WNT4: variants seen among roughly 807,000 people sequenced by gnomAD.
WNT4 encodes Wnt family member 4.
Under a neutral mutation model 34.5 loss-of-function variants are expected in WNT4, and 16 were observed. That is an observed-to-expected ratio of 0.46 (90% CI 0.31 to 0.70). The LOEUF (loss-of-function observed/expected upper bound fraction) is 0.70, where lower values mean the gene tolerates loss of function less well. WNT4 is among the 30% of genes least tolerant of loss of function. The probability of loss-of-function intolerance (pLI) is 0.04; values close to 1 mark genes in which losing one functional copy is unlikely to be tolerated. For missense variants in WNT4, 379 were observed against 495.9 expected, an observed-to-expected ratio of 0.76 and a Z score of 2.24; for synonymous variants, 200 against 211.9, an observed-to-expected ratio of 0.94 and a Z score of 0.49.
chr1:22,135,226 C>T (rs1054797945), intron 1 of WNT4, among the ~76,000 whole-genome samples: 3 of 152,204 alleles, frequency 2.0e-5, no homozygotes, highest in African/African-American at 7.2e-5. Context: ...ATGGGACCTT[C>T]ACTTATACTC....
Position 22,142,966 on chromosome 1 carries a change from C to T in WNT4, c.-44G>A. On this transcript the variant is annotated 5_prime_UTR_variant, in exon 1 of 5. Coordinates refer to ENST00000290167, the MANE Select transcript of WNT4 (RefSeq NM_030761.5). The surrounding 1 kb of genome is among the most constrained non-coding windows in gnomAD (Gnocchi z 6.0). ...CGGCCCGGGGCAGCGGCTGCGGCCGCGGGGGGCCTCCCGTCGGGGCTGCAG... is the reference window on the plus strand; with the variant it reads ...CGGCCCGGGGCAGCGGCTGCGGCCGTGGGGGGCCTCCCGTCGGGGCTGCAG... The T allele has an allele frequency of 1.0e-6, 1 of 1,002,392 alleles. No individual in the cohort carries two copies. The highest frequency in any genetic ancestry group is 1.2e-6 in the Non-Finnish European group (1 of 843,228). 62.1% of individuals were successfully genotyped at this position (1,002,392 alleles called of 1,614,324 possible). A position where few individuals can be genotyped will look rare whatever the true frequency, so the allele number is the denominator to read the frequency against.
intron 2 of WNT4, chr1:22,127,414 C>T (rs759158477): frequency 1.9e-6 from 1 of 533,432 alleles, no homozygotes; most frequent in African/African-American, 1.9e-5. Context: ...GCCTTTGAGT[C>T]CTCTCCCCTG....
chr1:22,125,293 G>T (rs1158597953), intron 2 of WNT4, among the ~76,000 whole-genome samples: 3 of 151,962 alleles, frequency 2.0e-5, no homozygotes, highest in Non-Finnish European at 2.9e-5. Flanking sequence ...GCAGCCTCAA[G>T]GCATTCCTAG....
intron 1 of WNT4, among the ~76,000 whole-genome samples, chr1:22,131,927 G>A (rs1387714978): frequency 2.0e-5 from 3 of 152,238 alleles, no homozygotes; most frequent in Non-Finnish European, 4.4e-5. Context: ...GGGAAGACAA[G>A]GGCAGGAAGG....
chr1:22,127,792 AAG>A (rs1645951862), intron 2 of WNT4, among the ~76,000 whole-genome samples: 2 of 152,330 alleles, frequency 1.3e-5, no homozygotes, highest in Admixed American at 6.5e-5. Context: ...AGCAAGAACA[AAG>A]AGCTTTGGAG....
chr1:22,140,666 G>A lies in WNT4; in HGVS notation c.77+2180C>T, dbSNP rs564583403. ...ATAAATATTGGACCAACCTTGGTAT[G>A]TGCCCAGTGTCTTCTCCTTCATAGC... is the stretch of plus-strand genomic sequence containing the variant. On this transcript the variant is annotated intron_variant, in intron 1 of 4. Transcript: ENST00000290167. The surrounding 1 kb of genome is among the most constrained non-coding windows in gnomAD (Gnocchi z 5.9). Among the ~76,000 whole-genome samples the A allele has an allele frequency of 4.6e-5, 7 of 152,344 alleles. No homozygotes were observed. Among genetic ancestry groups the A allele is most frequent in the African/African-American group, 1.7e-4 (7 of 41,574 alleles).
At chr1:22,132,916 C>T (rs577946087) in intron 1 of WNT4, among the ~76,000 whole-genome samples, 13 of 152,278 alleles carry the variant, frequency 8.5e-5, no homozygotes, top group East Asian at 7.7e-4. Flanking sequence ...GAAATGGAAC[C>T]GGGCACCGGC....
In WNT4 at chr1:22,120,240, A is replaced by T. The variant is rs1557921983; in HGVS notation, c.866T>A (p.Leu289Gln). ...GTTGCATGTGCGGCCCCTCGTGCCC[A>T]GCACGCCGCTGCGCATGTCCTGCTC... ...FCEQDMRSGV[L>Q]GTRGRTCNKT... Residue 289 changes from leucine (L) to glutamine (Q), a missense_variant, in exon 5 of 5, where the codon CTG (leucine) becomes CAG (glutamine). Coordinates refer to ENST00000290167, the MANE Select transcript of WNT4 (RefSeq NM_030761.5). 2 of 1,614,146 alleles carry T rather than the reference A, an allele frequency of 1.2e-6. No individual in the cohort carries two copies. The highest frequency in any genetic ancestry group is 2.2e-5 in the South Asian group (2 of 91,086).
At position 22,142,715 on chromosome 1, in the gene WNT4, G is replaced by A. The variant is rs1646080346; in HGVS notation, c.77+131C>T. 2 of 571,816 alleles carry A rather than the reference G, an allele frequency of 3.5e-6. No homozygotes were observed. Among genetic ancestry groups the A allele is most frequent in the Admixed American group, 6.4e-5 (1 of 15,644 alleles). 35.4% of individuals were successfully genotyped at this position (571,816 alleles called of 1,614,324 possible). A position where few individuals can be genotyped will look rare whatever the true frequency, so the allele number is the denominator to read the frequency against. ...GTGGCGGCGGCAGCGGAGCGAGCGA[G>A]CCTCCGGTCCCGCGGCCGAGACACC... On this transcript the variant is annotated intron_variant, in intron 1 of 4. Transcript: ENST00000290167. This position sits in a 1 kb window ranked among gnomAD's most constrained non-coding sequence, Gnocchi z 6.0.
In WNT4 at chr1:22,120,545, C is replaced by T. The variant is rs1645888339; in HGVS notation, c.589-28G>A. 3 of 1,587,690 alleles carry T rather than the reference C, an allele frequency of 1.9e-6. No homozygotes were observed. In the South Asian group the frequency reaches 3.4e-5, roughly 18 times the overall value. On this transcript the variant is annotated intron_variant, in intron 4 of 4. Coordinates refer to ENST00000290167, the MANE Select transcript of WNT4 (RefSeq NM_030761.5). Reference sequence around the variant, plus strand: ...GTGGGAGAGGGTGGGGGAGAGGGGCCATCAGGAGATGGCAAGGGAAGGCAG... The same window carrying T: ...GTGGGAGAGGGTGGGGGAGAGGGGCTATCAGGAGATGGCAAGGGAAGGCAG...
intron 2 of WNT4, among the ~76,000 whole-genome samples, chr1:22,124,289 A>C (rs1645924704): frequency 6.6e-6 from 1 of 152,236 alleles, no homozygotes; most frequent in African/African-American, 2.4e-5. Flanking sequence ...AGGGTAAGGC[A>C]GAACTCTACG....
rs1038062611 is a variant in WNT4, at chr1:22,119,917, CAT to C, written c.*131_*132del. 2 of 1,157,500 alleles carry C rather than the reference CAT, an allele frequency of 1.7e-6. No homozygotes were observed. The highest frequency in any genetic ancestry group is 3.1e-5 in the African/African-American group (2 of 65,462). 71.7% of individuals were successfully genotyped at this position (1,157,500 alleles called of 1,614,324 possible). A position where few individuals can be genotyped will look rare whatever the true frequency, so the allele number is the denominator to read the frequency against. ...CCTGCCTGGTTTCGGCAATAAATAA[CAT>C]GAGGACCCAAAAACCAAACCAGAAC... On this transcript the variant is annotated 3_prime_UTR_variant, in exon 5 of 5. Coordinates refer to ENST00000290167, the MANE Select transcript of WNT4 (RefSeq NM_030761.5).
At chr1:22,121,064 T>C in intron 4 of WNT4, 147 bp downstream of exon 4, 2 of 1,376,978 alleles carry the variant, frequency 1.5e-6, no homozygotes, top group Non-Finnish European at 2.0e-6. Flanking sequence ...CTCTGGCCTG[T>C]CCTGAACCCC....
In WNT4 at chr1:22,134,943, G is replaced by A. The variant is rs1483730064; in HGVS notation, c.78-5092C>T. 3.3e-5 allele frequency among the ~76,000 whole-genome samples: 5 copies of A among 152,110 alleles called. No individual in the cohort carries two copies. The highest frequency in any genetic ancestry group is 6.5e-5 in the Admixed American group (1 of 15,270). On this transcript the variant is annotated intron_variant, in intron 1 of 4. Coordinates refer to ENST00000290167, the MANE Select transcript of WNT4 (RefSeq NM_030761.5). This position sits in a 1 kb window ranked among gnomAD's most constrained non-coding sequence, Gnocchi z 4.1. Reference sequence around the variant, plus strand: ...CCTGAGAGGTGGGACACGCTCCCCCGGGGTACAGTGGATGACCTCAGCAGC... The same window carrying A: ...CCTGAGAGGTGGGACACGCTCCCCCAGGGTACAGTGGATGACCTCAGCAGC...
chr1:22,129,962 G>A (rs1645970670), intron 1 of WNT4, 111 bp from the exon 2 acceptor site: 1 of 1,280,878 alleles, frequency 7.8e-7, no homozygotes. Context: ...CCCAGTGACT[G>A]GGCCTGGCTG....
intron 2 of WNT4, among the ~76,000 whole-genome samples, chr1:22,124,311 C>G (rs373471114): frequency 6.6e-6 from 1 of 152,210 alleles, no homozygotes; most frequent in Non-Finnish European, 1.5e-5. Flanking sequence ...TGCCTTCTTC[C>G]GTTTTCACAC....
rs1398796699 is a variant in WNT4 at position 22,142,821 on chromosome 1, C to T, written c.77+25G>A. ...CGGGGCCTGCCCCGCCCCGCCCCGC[C>T]CCGCTCGGCCCCGGCCAGACTTACA... On this transcript the variant is annotated intron_variant, in intron 1 of 4. Coordinates refer to ENST00000290167, the MANE Select transcript of WNT4 (RefSeq NM_030761.5). The surrounding 1 kb of genome is among the most constrained non-coding windows in gnomAD (Gnocchi z 6.0). The T allele has an allele frequency of 1.7e-6, 2 of 1,172,452 alleles. No homozygotes were observed. Among genetic ancestry groups the T allele is most frequent in the Admixed American group, 2.9e-5 (1 of 34,224 alleles). 72.6% of individuals were successfully genotyped at this position (1,172,452 alleles called of 1,614,324 possible). A position where few individuals can be genotyped will look rare whatever the true frequency, so the allele number is the denominator to read the frequency against.
chr1:22,130,910 C>T (rs1645978986), intron 1 of WNT4, among the ~76,000 whole-genome samples: 1 of 152,252 alleles, frequency 6.6e-6, no homozygotes, highest in Non-Finnish European at 1.5e-5. Flanking sequence ...TTCCATCAAA[C>T]TTCTATGGAA....
intron 2 of WNT4, among the ~76,000 whole-genome samples, chr1:22,124,106 C>T (rs909988678): frequency 1.3e-5 from 2 of 152,230 alleles, no homozygotes; most frequent in Non-Finnish European, 2.9e-5. Flanking sequence ...CGAGGAGGAC[C>T]TGGCAGAGCA....
Sources: allele counts gnomAD v4.1 joint callset (sites outside exome capture counted in the v4.1 genomes callset), GRCh38; gene constraint gnomAD v4.1.1; non-coding constraint Gnocchi (gnomAD v3.1); transcripts MANE v1.5; gene names NCBI Gene and HGNC (gene_info 2026-07-23, HGNC 2026-07-21).